The following POLR2C variants were observed in gnomAD, a reference collection of about 807,000 sequenced individuals.
POLR2C encodes the protein RNA polymerase II subunit C, also known as DNA-directed RNA polymerase II subunit RPB3.
POLR2C carries 36 observed loss-of-function variants against 41.7 expected under a neutral mutation model. That is an observed-to-expected ratio of 0.86 (90% CI 0.66 to 1.14). POLR2C has a LOEUF of 1.14. Ranked by LOEUF, POLR2C falls within the 50% of genes most tolerant of loss-of-function variation. The pLI is 0.00. For missense variants in POLR2C, 260 were observed against 350.4 expected, an observed-to-expected ratio of 0.74 and a Z score of 2.06; for synonymous variants, 133 against 137.8, an observed-to-expected ratio of 0.96 and a Z score of 0.25.
At chr16:57,463,321 G>A in intron 2 of POLR2C, 1 of 598,340 alleles carries the variant, frequency 1.7e-6, no homozygotes, top group South Asian at 2.0e-5. Flanking sequence ...CATGGGTTTA[G>A]CAGTGTGCAG....
At position 57,470,963 on chromosome 16, in the gene POLR2C, C is replaced by T. The variant is rs781051703; in HGVS notation, c.684-12C>T. The T allele has an allele frequency of 6.2e-7, 1 of 1,613,946 alleles. No individual in the cohort carries two copies. The highest frequency in any genetic ancestry group is 8.5e-7 in the Non-Finnish European group (1 of 1,179,826). On this transcript the variant is annotated splice_polypyrimidine_tract_variant and intron_variant, in intron 8 of 8. Coordinates refer to ENST00000219252, the MANE Select transcript of POLR2C (RefSeq NM_032940.3). Reference sequence around the variant, plus strand: ...TGCCTCGCAGTGCACTCACTGGACTCTTGCCTCCTAGGTTTTACTACAATG... The same window carrying T: ...TGCCTCGCAGTGCACTCACTGGACTTTTGCCTCCTAGGTTTTACTACAATG...
intron 2 of POLR2C, among the ~76,000 whole-genome samples, chr16:57,464,220 CCTT>C (rs1173657807): frequency 6.6e-6 from 1 of 152,138 alleles, no homozygotes; most frequent in Non-Finnish European, 1.5e-5. Flanking sequence ...TTAATCTATT[CCTT>C]CAACAGCATT....
chr16:57,470,467 G>A (rs2030807364), intron 8 of POLR2C, 113 bp downstream of exon 8: 1 of 765,924 alleles, frequency 1.3e-6, no homozygotes, highest in Non-Finnish European at 2.2e-6. Context: ...ATAAGCTGAG[G>A]AGGGGCTGCT....
intron 2 of POLR2C, chr16:57,463,755 C>A: frequency 2.6e-6 from 1 of 379,232 alleles, no homozygotes; most frequent in Non-Finnish European, 5.3e-6. Context: ...CCAGCCTGGC[C>A]AACATGGGGA....
chr16:57,462,865 C>T (rs1304313172), intron 1 of POLR2C, 55 bp downstream of exon 1: 1 of 542,854 alleles, frequency 1.8e-6, no homozygotes, highest in South Asian at 1.9e-5. Context: ...AGGCCCAAGC[C>T]GGGGCCCCGG....
chr16:57,466,221 C>G lies in POLR2C; in HGVS notation c.252C>G (p.Tyr84Ter). ...ISDDIVDKLQ[Y>*]SRDCTCEEFC... ...ATGACATTGTGGACAAGCTGCAGTACTCTCGGGTATGTTGTGTGATTGGGT... is the reference window on the plus strand; with the variant it reads ...ATGACATTGTGGACAAGCTGCAGTAGTCTCGGGTATGTTGTGTGATTGGGT... The change falls in exon 4 of 9, where the codon TAC becomes TAG. Residue 84 changes from tyrosine (Y) to a stop codon, truncating the protein, a stop_gained. Transcript: ENST00000219252. LOFTEE classifies it high-confidence loss of function. The G allele has an allele frequency of 6.3e-7, 1 of 1,589,302 alleles. No homozygotes were observed. The highest frequency in any genetic ancestry group is 1.1e-5 in the South Asian group (1 of 87,808).
rs1408440063 is a variant in POLR2C, at chr16:57,469,259, G to A, written c.353G>A (p.Arg118Gln). ...NEDQTRHVTS[R>Q]DLISNSPRVI... is the part of the protein sequence containing the mutation. Reference sequence around the variant, plus strand: ...GACCAGACGCGACATGTCACGTCTCGAGACCTCATCTCCAACAGCCCCCGG... The same window carrying A: ...GACCAGACGCGACATGTCACGTCTCAAGACCTCATCTCCAACAGCCCCCGG... Residue 118 changes from arginine to glutamine, a missense_variant, in exon 5 of 9, where the codon CGA (arginine) becomes CAA (glutamine). By Grantham distance (43) the Arg-to-Gln change is conservative. Transcript: ENST00000219252. The surrounding 1 kb of genome is among the most constrained non-coding windows in gnomAD (Gnocchi z 5.8). 3 of 1,614,056 alleles carry A rather than the reference G, an allele frequency of 1.9e-6. No individual in the cohort carries two copies. The highest frequency in any genetic ancestry group is 2.5e-6 in the Non-Finnish European group (3 of 1,180,038).
chr16:57,464,671 CG>C, intron 2 of POLR2C, among the ~76,000 whole-genome samples: 1 of 131,554 alleles, frequency 7.6e-6, no homozygotes, highest in African/African-American at 2.8e-5. Context: ...CCCACCCCCC[CG>C]CCCCCCAGTC....
Position 57,469,284 on chromosome 16 carries a change from G to A in POLR2C, c.378G>A (p.Arg126=). The A allele has an allele frequency of 6.2e-7, 1 of 1,614,174 alleles. No individual in the cohort carries two copies. Among genetic ancestry groups the A allele is most frequent in the South Asian group, 1.1e-5 (1 of 91,082 alleles). Residue 126 remains arginine, a synonymous_variant, in exon 5 of 9, where the codon CGG becomes CGA. Coordinates refer to ENST00000219252, the MANE Select transcript of POLR2C (RefSeq NM_032940.3). This position sits in a 1 kb window ranked among gnomAD's most constrained non-coding sequence, Gnocchi z 5.8. The part of the protein sequence containing the change: ...TSRDLISNSP[R]VIPVTSRNRD... ...GAGACCTCATCTCCAACAGCCCCCGGGTCATTCCGGTCAGTGCGGGAGAGC... is the reference window on the plus strand; with the variant it reads ...GAGACCTCATCTCCAACAGCCCCCGAGTCATTCCGGTCAGTGCGGGAGAGC...
intron 3 of POLR2C, 53 bp downstream of exon 3, chr16:57,466,074 A>G: frequency 7.0e-7 from 1 of 1,425,740 alleles, no homozygotes; most frequent in South Asian, 1.1e-5. Flanking sequence ...GCCTAGTGTC[A>G]GGAGGGGGCC....
At chr16:57,467,832 GTT>G (rs2030746974) in intron 4 of POLR2C, among the ~76,000 whole-genome samples, 1 of 151,848 alleles carries the variant, frequency 6.6e-6, no homozygotes, top group Non-Finnish European at 1.5e-5. Context: ...ATCCTTTATT[GTT>G]TTTCTGTTTG....
At chr16:57,465,645 T>A in intron 2 of POLR2C, 1 of 291,598 alleles carries the variant, frequency 3.4e-6, no homozygotes, top group Non-Finnish European at 6.4e-6. Context: ...AGGTAGCAGA[T>A]TTAAGTGCTT....
Position 57,462,682 on chromosome 16 carries a change from G to A in POLR2C, c.-43G>A, listed in dbSNP as rs768566917. 6.8e-7 allele frequency: 1 copy of A among 1,481,304 alleles called. No individual in the cohort carries two copies. The highest frequency in any genetic ancestry group is 9.2e-7 in the Non-Finnish European group (1 of 1,081,384). The allele number at this position is 1,481,304 out of a possible 1,614,324, so 91.8% of individuals were successfully genotyped here. A position where few individuals can be genotyped will look rare whatever the true frequency, so the allele number is the denominator to read the frequency against. ...CCGGTGTTGGCGGTGGCGCCGCGCA[G>A]TCACCGCGGAGCAGACGCGGAGGCT... is the stretch of plus-strand genomic sequence containing the variant. On this transcript the variant is annotated 5_prime_UTR_variant, in exon 1 of 9. Transcript: ENST00000219252.
chr16:57,470,326 C>T lies in POLR2C; in HGVS notation c.655C>T (p.Pro219Ser). Residue 219 changes from proline (P) to serine (S), a missense_variant, in exon 8 of 9, where the codon CCC becomes TCC. Physicochemically the swap from Pro to Ser is moderately conservative, Grantham distance 74. Coordinates refer to ENST00000219252, the MANE Select transcript of POLR2C (RefSeq NM_032940.3). ...SELDEDESQA[P>S]YDPNGKPERF... Reference sequence around the variant, plus strand: ...GCTGGATGAGGATGAGTCGCAGGCTCCCTATGACCCCAACGGCAAGCCAGA... The same window carrying T: ...GCTGGATGAGGATGAGTCGCAGGCTTCCTATGACCCCAACGGCAAGCCAGA... 6.2e-7 allele frequency: 1 copy of T among 1,611,464 alleles called. No homozygotes were observed. The highest frequency in any genetic ancestry group is 8.5e-7 in the Non-Finnish European group (1 of 1,178,738).
rs375322030 is a variant in POLR2C, at chr16:57,462,971, C to T, written c.87-58C>T. The T allele has an allele frequency of 3.4e-5, 52 of 1,511,802 alleles. No individual in the cohort carries two copies. In the African/African-American group the frequency reaches 6.4e-4, roughly 19 times the overall value. 93.6% of individuals were successfully genotyped at this position (1,511,802 alleles called of 1,614,324 possible). ...GCTTTAGCTTTGGGAGCCTGCGGCG[C>T]GGGCCCAGCCTGTCGAGGCTGCAGC... On this transcript the variant is annotated intron_variant, in intron 1 of 8. Transcript: ENST00000219252.
At chr16:57,470,880 G>C in intron 8 of POLR2C, 95 bp from the exon 9 acceptor site, 5 of 1,257,310 alleles carry the variant, frequency 4.0e-6, no homozygotes, top group Non-Finnish European at 4.6e-6. Context: ...TGTGGGAACA[G>C]AGCCAAGACC....
At chr16:57,464,754 C>A (rs1277603858) in intron 2 of POLR2C, among the ~76,000 whole-genome samples, 2 of 146,320 alleles carry the variant, frequency 1.4e-5, no homozygotes, top group Non-Finnish European at 3.0e-5. Context: ...ACCTCAGTTT[C>A]ATCAGGAGTC....
At position 57,462,738 on chromosome 16, in the gene POLR2C, A is replaced by G. The variant is rs1395245675; in HGVS notation, c.14A>G (p.Asn5Ser). The change falls in exon 1 of 9, where the codon AAC (asparagine) becomes AGC (serine). Residue 5 changes from asparagine to serine, a missense_variant. Coordinates refer to ENST00000219252, the MANE Select transcript of POLR2C (RefSeq NM_032940.3). ...CCCCTGGGCGAGATGCCGTACGCCA[A>G]CCAGCCTACCGTGCGGATCACGGAG... MPYA[N>S]QPTVRITELT... 1.2e-6 allele frequency: 2 copies of G among 1,603,716 alleles called. No individual in the cohort carries two copies. Among genetic ancestry groups the G allele is most frequent in the Non-Finnish European group, 1.7e-6 (2 of 1,175,272 alleles).
chr16:57,465,805 A>G (rs1186195473), intron 2 of POLR2C, 148 bp from the exon 3 acceptor site: 5 of 640,244 alleles, frequency 7.8e-6, no homozygotes, highest in African/African-American at 5.4e-5. Context: ...TTAAAATGCA[A>G]GTACCTGGGC....
Sources: gnomAD v4.1 joint callset for allele counts (sites outside exome capture counted in the v4.1 genomes callset) on GRCh38, gnomAD v4.1.1 for gene constraint, Gnocchi (gnomAD v3.1) non-coding constraint, MANE v1.5 for transcripts, NCBI Gene and HGNC (gene_info 2026-07-23, HGNC 2026-07-21) for gene names.